The following TDRD9 variants were observed in gnomAD, a reference collection of about 807,000 sequenced individuals.
The protein encoded by TDRD9 is tudor domain containing 9.
TDRD9 carries 124 observed loss-of-function variants against 172.6 expected under a neutral mutation model. The observed-to-expected ratio is 0.72, with a 90% CI of 0.62 to 0.83. TDRD9 has a LOEUF of 0.83. TDRD9 is among the 40% of genes least tolerant of loss of function. The pLI is 0.00. For synonymous variants in TDRD9, 619 were observed against 617.1 expected (o/e 1.00, Z -0.05); for missense variants, 1,479 against 1,714.1 (o/e 0.86, Z 2.42).
chr14:103,953,682 C>G (rs1366374437), intron 1 of TDRD9, among the ~76,000 whole-genome samples: 1 of 152,058 alleles, frequency 6.6e-6, no homozygotes, highest in Admixed American at 6.6e-5. Flanking sequence ...CAAGACAAAG[C>G]CTGAGAACCT....
intron 1 of TDRD9, among the ~76,000 whole-genome samples, chr14:103,949,189 CATG>C (rs1211096087): frequency 1.3e-5 from 2 of 152,170 alleles, no homozygotes; most frequent in African/African-American, 2.4e-5. Context: ...TTGTGAATAG[CATG>C]ATTCATTTCT....
intron 33 of TDRD9, among the ~76,000 whole-genome samples, chr14:104,041,497 C>G (rs2035610387): frequency 6.6e-6 from 1 of 152,144 alleles, no homozygotes; most frequent in South Asian, 2.1e-4. Flanking sequence ...GACTTGTATC[C>G]ACAATATGTA....
chr14:103,973,978 G>A (rs774494682), intron 6 of TDRD9, among the ~76,000 whole-genome samples: 7 of 152,116 alleles, frequency 4.6e-5, no homozygotes, highest in Non-Finnish European at 7.4e-5. Flanking sequence ...TGGGCAGATC[G>A]CCTGAGCTCA....
At chr14:104,006,936 A>G (rs1157320027) in intron 18 of TDRD9, 91 bp downstream of exon 18, 31 of 1,168,634 alleles carry the variant, frequency 2.7e-5, no homozygotes, top group Middle Eastern at 2.3e-4. Flanking sequence ...GAGACAGACA[A>G]TGTTTTATCT....
At chr14:103,958,234 C>T (rs1252046990) in intron 2 of TDRD9, among the ~76,000 whole-genome samples, 1 of 152,130 alleles carries the variant, frequency 6.6e-6, no homozygotes, top group Non-Finnish European at 1.5e-5. Context: ...GCTGTGGTGT[C>T]AGGAAAGTAA....
intron 20 of TDRD9, among the ~76,000 whole-genome samples, chr14:104,008,880 T>C (rs2034526098): frequency 6.6e-6 from 1 of 152,196 alleles, no homozygotes. Context: ...CACCAATATA[T>C]TCTAGCCTGG....
chr14:103,986,469 A>G (rs2033664875), intron 8 of TDRD9, 149 bp downstream of exon 8: 10 of 611,168 alleles, frequency 1.6e-5, no homozygotes, highest in Middle Eastern at 4.6e-4. Context: ...TCAGGTTAGT[A>G]TTTTGGAATT....
At chr14:104,045,436 A>G (rs1198387272) in intron 34 of TDRD9, among the ~76,000 whole-genome samples, 2 of 122,748 alleles carry the variant, frequency 1.6e-5, no homozygotes, top group Non-Finnish European at 3.5e-5. Flanking sequence ...TCTTTTGCCC[A>G]TTTTTAAATT....
intron 32 of TDRD9, among the ~76,000 whole-genome samples, chr14:104,035,880 G>T (rs917917238): frequency 6.6e-6 from 1 of 152,110 alleles, no homozygotes; most frequent in East Asian, 1.9e-4. Context: ...AGACCTAGAG[G>T]GCTAAGTTCA....
chr14:104,027,267 C>G (rs2035152727), intron 28 of TDRD9, among the ~76,000 whole-genome samples: 1 of 152,046 alleles, frequency 6.6e-6, no homozygotes, highest in African/African-American at 2.4e-5. Flanking sequence ...CCAGGTTGGT[C>G]TCAAACTCCT....
At chr14:103,961,566 A>G (rs2032511392) in intron 2 of TDRD9, among the ~76,000 whole-genome samples, 2 of 151,524 alleles carry the variant, frequency 1.3e-5, no homozygotes, top group South Asian at 2.1e-4. Flanking sequence ...CTGTCCAGAA[A>G]AAGAAAAAAG....
In TDRD9 at chr14:104,051,897, A is replaced by G. The variant is rs2035944894; in HGVS notation, c.4048-84A>G. The G allele has an allele frequency of 2.1e-5, 16 of 780,488 alleles. No individual in the cohort carries two copies. The South Asian group carries it at 2.2e-4, about 11-fold the overall frequency. 48.3% of individuals were successfully genotyped at this position (780,488 alleles called of 1,614,324 possible). ...TGGAGAACTGAATTATACTTTGTGC[A>G]TCCTGGATGTTAATGCATGTGTATT... On this transcript the variant is annotated intron_variant, in intron 35 of 35. Coordinates refer to ENST00000409874, the MANE Select transcript of TDRD9 (RefSeq NM_153046.3).
chr14:104,004,196 G>T (rs752226196), intron 13 of TDRD9, 42 bp from the exon 14 acceptor site: 6 of 996,668 alleles, frequency 6.0e-6, no homozygotes, highest in Non-Finnish European at 9.4e-6. Flanking sequence ...TGATGTTAAA[G>T]TAATTAATGC....
At chr14:103,955,235 T>A (rs2032138338) in intron 1 of TDRD9, among the ~76,000 whole-genome samples, 1 of 152,172 alleles carries the variant, frequency 6.6e-6, no homozygotes, top group Non-Finnish European at 1.5e-5. Context: ...GTTTTAAGTT[T>A]TAATTAGCTG....
At chr14:103,929,548 C>A (rs2030227515) in intron 1 of TDRD9, among the ~76,000 whole-genome samples, 1 of 150,948 alleles carries the variant, frequency 6.6e-6, no homozygotes, top group Non-Finnish European at 1.5e-5. Context: ...GAGATGGAGT[C>A]TCACTTTGTT....
intron 35 of TDRD9, 142 bp downstream of exon 35, chr14:104,049,822 C>T: frequency 1.5e-6 from 1 of 652,194 alleles, no homozygotes; most frequent in Non-Finnish European, 2.7e-6. Flanking sequence ...CTTTGGGGGC[C>T]AGCTGGCAAA....
chr14:103,965,562 TG>T lies in TDRD9; in HGVS notation c.642+11del. On this transcript the variant is annotated intron_variant, in intron 4 of 35. Coordinates refer to ENST00000409874, the MANE Select transcript of TDRD9 (RefSeq NM_153046.3). Reference sequence around the variant, plus strand: ...GGTGTGGTGGGCTACCAGGTGAGACTGGGAGGGAGGGAGGGACTAAGAGAGC... The same window carrying T: ...GGTGTGGTGGGCTACCAGGTGAGACTGGAGGGAGGGAGGGACTAAGAGAGC... 1.6e-6 allele frequency: 2 copies of T among 1,248,418 alleles called. No individual in the cohort carries two copies. Among genetic ancestry groups the T allele is most frequent in the Non-Finnish European group, 2.2e-6 (2 of 897,834 alleles). The allele number at this position is 1,248,418 out of a possible 1,614,324, so 77.3% of individuals were successfully genotyped here.
At chr14:103,999,830 AG>A (rs760529637) in intron 13 of TDRD9, among the ~76,000 whole-genome samples, 23 of 152,196 alleles carry the variant, frequency 1.5e-4, no homozygotes, top group Non-Finnish European at 2.9e-4. Flanking sequence ...GTGTTAATTA[AG>A]ATTTCCCATT....
chr14:103,972,168 G>A (rs948235211), intron 6 of TDRD9, among the ~76,000 whole-genome samples: 3 of 151,412 alleles, frequency 2.0e-5, no homozygotes, highest in Non-Finnish European at 1.5e-5. Context: ...TTAGCCGGGC[G>A]TGGTGGCGGG....
Sources: allele counts gnomAD v4.1 joint callset (sites outside exome capture counted in the v4.1 genomes callset), GRCh38; gene constraint gnomAD v4.1.1; transcripts MANE v1.5; gene names NCBI Gene and HGNC (gene_info 2026-07-23, HGNC 2026-07-21).